MAST2: variants seen among roughly 807,000 people sequenced by gnomAD.
MAST2 encodes microtubule-associated serine/threonine-protein kinase 2.
In MAST2, 70 loss-of-function variants were observed where a neutral mutation model predicts 147.4. The ratio of observed to expected loss-of-function variants is 0.47; its 90% confidence interval spans 0.39 to 0.58. The LOEUF (loss-of-function observed/expected upper bound fraction) is 0.58, where lower values mean the gene tolerates loss of function less well. Ranked by LOEUF, MAST2 falls within the 20% of genes least tolerant of loss-of-function variation. The probability of loss-of-function intolerance (pLI) is 0.00; values close to 1 mark genes in which losing one functional copy is unlikely to be tolerated. For synonymous variants in MAST2, 869 were observed against 896.8 expected, an observed-to-expected ratio of 0.97 and a Z score of 0.55; for missense variants, 2,080 against 2,302.3, an observed-to-expected ratio of 0.90 and a Z score of 1.98.
intron 4 of MAST2, among the ~76,000 whole-genome samples, chr1:45,944,464 T>C (rs1341020479): frequency 6.6e-6 from 1 of 152,232 alleles, no homozygotes; most frequent in Non-Finnish European, 1.5e-5. Flanking sequence ...TTGTGCATTA[T>C]GATTATGTCT....
chr1:45,997,677 C>T (rs771500378), intron 5 of MAST2, 47 bp from the exon 6 acceptor site: 1 of 1,452,190 alleles, frequency 6.9e-7, no homozygotes, highest in Non-Finnish European at 9.7e-7. Context: ...TGTCCACCCT[C>T]CTCACAAGCA....
chr1:46,030,563 A>G (rs1646609915), intron 21 of MAST2, 44 bp from the exon 22 acceptor site: 1 of 1,558,458 alleles, frequency 6.4e-7, no homozygotes, highest in Non-Finnish European at 8.6e-7. Flanking sequence ...CTTGGGAGGT[A>G]CGGCTGCCAG....
chr1:45,967,267 T>G (rs558629815), intron 5 of MAST2, among the ~76,000 whole-genome samples: 4 of 151,956 alleles, frequency 2.6e-5, no homozygotes, highest in Non-Finnish European at 4.4e-5. Context: ...GAGATGACGT[T>G]TCATGTTGGC....
At chr1:45,823,984 C>T (rs1221604778) in intron 1 of MAST2, among the ~76,000 whole-genome samples, 1 of 152,112 alleles carries the variant, frequency 6.6e-6, no homozygotes, top group East Asian at 1.9e-4. Context: ...ATAAAGAAAG[C>T]TCTAATATTA....
chr1:45,892,924 A>G (rs1288716404), intron 4 of MAST2, among the ~76,000 whole-genome samples: 1 of 152,254 alleles, frequency 6.6e-6, no homozygotes, highest in Non-Finnish European at 1.5e-5. Context: ...TTTAGAAAAC[A>G]TAGATAAACA....
At chr1:45,885,788 A>G (rs1647054618) in intron 4 of MAST2, among the ~76,000 whole-genome samples, 1 of 152,200 alleles carries the variant, frequency 6.6e-6, no homozygotes, top group Non-Finnish European at 1.5e-5. Flanking sequence ...TACTGGAGAT[A>G]CAGTAGTGAA....
intron 4 of MAST2, among the ~76,000 whole-genome samples, chr1:45,928,993 T>C (rs1034195997): frequency 4.6e-5 from 7 of 152,078 alleles, no homozygotes; most frequent in African/African-American, 1.7e-4. Flanking sequence ...CTTGACCTGA[T>C]TGTGGTTTGG....
intron 5 of MAST2, among the ~76,000 whole-genome samples, chr1:45,986,586 C>T (rs1644628014): frequency 6.6e-6 from 1 of 151,812 alleles, no homozygotes; most frequent in Non-Finnish European, 1.5e-5. Context: ...GGTGTGGTGG[C>T]GGGTGCCTGT....
chr1:45,843,002 A>G (rs1444072618), intron 3 of MAST2, among the ~76,000 whole-genome samples: 1 of 152,128 alleles, frequency 6.6e-6, no homozygotes, highest in African/African-American at 2.4e-5. Context: ...ATGAAGTGGT[A>G]CCTCATTGTG....
intron 1 of MAST2, among the ~76,000 whole-genome samples, chr1:45,809,511 T>G (rs1644233343): frequency 6.6e-6 from 1 of 152,054 alleles, no homozygotes; most frequent in South Asian, 2.1e-4. Flanking sequence ...GGGTTGGTGG[T>G]GCGCGCCTGT....
intron 5 of MAST2, among the ~76,000 whole-genome samples, chr1:45,970,095 A>G (rs1411030960): frequency 6.6e-6 from 1 of 152,208 alleles, no homozygotes; most frequent in Non-Finnish European, 1.5e-5. Context: ...TCTCCCAAGG[A>G]CAGGCTTGTT....
At chr1:46,025,654 A>T (rs758400703) in intron 15 of MAST2, 23 bp from the exon 16 acceptor site, 1 of 1,613,724 alleles carries the variant, frequency 6.2e-7, no homozygotes, top group Non-Finnish European at 8.5e-7. Flanking sequence ...TCCTTTCCTC[A>T]TGGTAGCCTG....
intron 15 of MAST2, among the ~76,000 whole-genome samples, chr1:46,025,234 G>A (rs530231131): frequency 8.5e-5 from 13 of 152,226 alleles, no homozygotes; most frequent in African/African-American, 3.1e-4. Flanking sequence ...CAGGAGAATC[G>A]CTTGAACCTG....
intron 4 of MAST2, among the ~76,000 whole-genome samples, chr1:45,939,989 T>TTTTGTTTTTTGTGTTTTTTTTG (rs776892902): frequency 9.3e-5 from 12 of 128,882 alleles, no homozygotes; most frequent in Non-Finnish European, 1.6e-4. Context: ...GGTTTTTTTT[T>TTTTGTTTTTTGTGTTTTTTTTG]TTTTTTTTTT....
chr1:45,862,235 A>T (rs1358300411), intron 3 of MAST2, among the ~76,000 whole-genome samples: 1 of 152,214 alleles, frequency 6.6e-6, no homozygotes, highest in African/African-American at 2.4e-5. Context: ...AATCATTCAT[A>T]CATGTTTCAT....
intron 3 of MAST2, among the ~76,000 whole-genome samples, chr1:45,868,132 G>T (rs1030819271): frequency 2.0e-5 from 3 of 152,134 alleles, no homozygotes; most frequent in Non-Finnish European, 4.4e-5. Flanking sequence ...ACACTGTTTT[G>T]CTTGAAAAGC....
intron 1 of MAST2, among the ~76,000 whole-genome samples, chr1:45,808,958 C>T (rs544438058): frequency 5.8e-4 from 88 of 152,186 alleles, no homozygotes; most frequent in Non-Finnish European, 1.1e-3. Flanking sequence ...CTGCTTTTCT[C>T]GATCATGGCA....
chr1:45,886,205 G>C (rs567809207), intron 4 of MAST2, among the ~76,000 whole-genome samples: 2 of 148,950 alleles, frequency 1.3e-5, no homozygotes, highest in Non-Finnish European at 3.0e-5. Context: ...TACTGAGATA[G>C]AGATAGATCG....
Position 46,023,962 on chromosome 1 carries a change from G to C in MAST2, c.1762G>C (p.Val588Leu). 1 of 1,614,234 alleles carries C rather than the reference G, an allele frequency of 6.2e-7. No individual in the cohort carries two copies. The highest frequency in any genetic ancestry group is 8.5e-7 in the Non-Finnish European group (1 of 1,180,044). Reference sequence around the variant, plus strand: ...TGATACCAAGCGCCACTTGTGCATGGTGATGGAGTACGTTGAAGGTACTGA... The same window carrying C: ...TGATACCAAGCGCCACTTGTGCATGCTGATGGAGTACGTTGAAGGTACTGA... The part of the protein sequence containing the change: ...SFDTKRHLCM[V>L]MEYVEGGDCA... The change falls in exon 15 of 29, where the codon GTG becomes CTG. Residue 588 changes from valine (V) to leucine (L), a missense_variant. Val to Leu is a conservative substitution (Grantham distance 32, BLOSUM62 1). Around this residue, in one of 4 missense-constraint regions of MAST2, gnomAD observed 209 missense variants for 309.5 expected, o/e 0.68. Coordinates refer to ENST00000361297, the MANE Select transcript of MAST2 (RefSeq NM_015112.3). This position sits in a 1 kb window ranked among gnomAD's most constrained non-coding sequence, Gnocchi z 4.9.
Sources: allele counts gnomAD v4.1 joint callset (sites outside exome capture counted in the v4.1 genomes callset), GRCh38; gene constraint gnomAD v4.1.1; regional missense constraint gnomAD v4.1.1; non-coding constraint Gnocchi (gnomAD v3.1); transcripts MANE v1.5; gene names NCBI Gene and HGNC (gene_info 2026-07-23, HGNC 2026-07-21).